The following ROCK1 variants were observed in gnomAD, a reference collection of about 807,000 sequenced individuals.
ROCK1 encodes rho-associated protein kinase 1.
A neutral mutation model predicts 196.8 loss-of-function variants in ROCK1; 36 were observed. The observed-to-expected ratio is 0.18, with a 90% CI of 0.14 to 0.24. The LOEUF (loss-of-function observed/expected upper bound fraction) is 0.24, where lower values mean the gene tolerates loss of function less well. ROCK1 is among the 10% of genes least tolerant of loss of function. The pLI is 1.00. For synonymous variants in ROCK1, 443 were observed against 515.9 expected, an observed-to-expected ratio of 0.86 and a Z score of 1.91; for missense variants, 920 against 1,562.0, an observed-to-expected ratio of 0.59 and a Z score of 6.93.
Position 20,958,988 on chromosome 18 carries a change from A to ATAATATATATAATATATATATTTTAT in ROCK1, c.3512+851_3512+852insATAAAATATATATATTATATATATTA, listed in dbSNP as rs1368130367. 2.9e-3 allele frequency among the ~76,000 whole-genome samples: 245 copies of ATAATATATATAATATATATATTTTAT among 84,822 alleles called. 7 individuals carry two copies. The highest frequency in any genetic ancestry group is 0.012 in the African/African-American group (226 of 19,634). 55.6% of individuals were successfully genotyped at this position (84,822 alleles called of 152,430 possible). A position where few individuals can be genotyped will look rare whatever the true frequency, so the allele number is the denominator to read the frequency against. On this transcript the variant is annotated intron_variant, in intron 29 of 32. Coordinates refer to ENST00000399799, the MANE Select transcript of ROCK1 (RefSeq NM_005406.3). Reference sequence around the variant, plus strand: ...AATATATATAATATATATATTTTATAAAAAATAATATATATATTTTATATA... The same window carrying ATAATATATATAATATATATATTTTAT: ...AATATATATAATATATATATTTTATATAATATATATAATATATATATTTTATAAAAATAATATATATATTTTATATA...
intron 22 of ROCK1, among the ~76,000 whole-genome samples, chr18:20,978,250 T>G (rs1466663751): frequency 6.6e-6 from 1 of 151,486 alleles, no homozygotes; most frequent in Non-Finnish European, 1.5e-5. Context: ...TATCTCCAGT[T>G]TGCAACACCT....
In ROCK1 at chr18:21,044,109, A is replaced by G. The variant is rs1382121618; in HGVS notation, c.668T>C (p.Met223Thr). The G allele has an allele frequency of 2.5e-6, 4 of 1,595,138 alleles. No individual in the cohort carries two copies. Among genetic ancestry groups the G allele is most frequent in the Non-Finnish European group, 3.4e-6 (4 of 1,165,292 alleles). ...AAAATCTAGTTAATTAACCTTATTC[A>G]TCTTCATACAAGTACCAAAATCTGC... Reference protein sequence around the residue: ...KLADFGTCMKMNKEGMVRCDT... With the variant: ...KLADFGTCMKTNKEGMVRCDT... Residue 223 changes from methionine to threonine, a missense_variant, in exon 6 of 33, where the codon ATG becomes ACG. By Grantham distance (81) the Met-to-Thr change is moderately conservative. Coordinates refer to ENST00000399799, the MANE Select transcript of ROCK1 (RefSeq NM_005406.3).
intron 23 of ROCK1, chr18:20,970,129 G>A (rs2035412536): frequency 4.8e-6 from 2 of 417,380 alleles, no homozygotes; most frequent in South Asian, 1.0e-4. Context: ...CATTGGTTCT[G>A]TGCCTATACA....
At chr18:21,062,071 T>C (rs1226361529) in intron 2 of ROCK1, among the ~76,000 whole-genome samples, 1 of 152,174 alleles carries the variant, frequency 6.6e-6, no homozygotes, top group Non-Finnish European at 1.5e-5. Context: ...CATACATATA[T>C]TTCCTAGCTA....
intron 27 of ROCK1, among the ~76,000 whole-genome samples, chr18:20,962,512 A>G (rs2035336699): frequency 6.6e-6 from 1 of 152,168 alleles, no homozygotes; most frequent in Non-Finnish European, 1.5e-5. Context: ...CAATGTCAAA[A>G]ATATTTATGC....
intron 21 of ROCK1, among the ~76,000 whole-genome samples, chr18:20,982,213 C>T (rs1397447600): frequency 6.6e-6 from 1 of 152,196 alleles, no homozygotes; most frequent in Non-Finnish European, 1.5e-5. Flanking sequence ...TGAATAATTA[C>T]GTTTAGCAAA....
At chr18:21,090,849 A>C (rs2143584256) in intron 1 of ROCK1, among the ~76,000 whole-genome samples, 1 of 130,528 alleles carries the variant, frequency 7.7e-6, no homozygotes, top group Middle Eastern at 3.7e-3. Context: ...TACATGTAAG[A>C]GCATCAGTAT....
chr18:21,051,131 G>T (rs566563055), intron 2 of ROCK1, among the ~76,000 whole-genome samples: 1 of 152,056 alleles, frequency 6.6e-6, no homozygotes, highest in Non-Finnish European at 1.5e-5. Flanking sequence ...GAATAGTAGC[G>T]GTTAGCTAGA....
At chr18:21,017,951 T>A (rs993350129) in intron 12 of ROCK1, among the ~76,000 whole-genome samples, 2 of 149,920 alleles carry the variant, frequency 1.3e-5, no homozygotes, top group African/African-American at 4.9e-5. Flanking sequence ...CCAGCCTGGG[T>A]GACAGAGTGA....
At chr18:21,110,229 ATAAGT>A (rs2036738606) in intron 1 of ROCK1, among the ~76,000 whole-genome samples, 1 of 152,234 alleles carries the variant, frequency 6.6e-6, no homozygotes, top group African/African-American at 2.4e-5. Context: ...ATACAATAAA[ATAAGT>A]TAACACTGTA....
chr18:21,028,221 G>C (rs1197477103), intron 10 of ROCK1, among the ~76,000 whole-genome samples: 2 of 150,954 alleles, frequency 1.3e-5, no homozygotes, highest in East Asian at 4.0e-4. Flanking sequence ...TTCAAGACCA[G>C]CCTGGCCAAC....
At chr18:21,006,276 A>T in intron 16 of ROCK1, 75 bp downstream of exon 16, 1 of 1,115,062 alleles carries the variant, frequency 9.0e-7, no homozygotes, top group Non-Finnish European at 1.3e-6. Flanking sequence ...ACTGAACTGT[A>T]TATATAAAAA....
chr18:21,076,506 A>T (rs2143560936), intron 1 of ROCK1, among the ~76,000 whole-genome samples: 1 of 152,320 alleles, frequency 6.6e-6, no homozygotes, highest in Middle Eastern at 3.4e-3. Context: ...TCTGTCTCAA[A>T]CAAAAAAGAA....
At chr18:20,979,768 TA>T in intron 22 of ROCK1, 141 bp downstream of exon 22, 1 of 977,690 alleles carries the variant, frequency 1.0e-6, no homozygotes, top group Non-Finnish European at 1.4e-6. Flanking sequence ...AATTTCAGCC[TA>T]ATCTGATTTG....
At chr18:21,106,601 G>A (rs1246253021) in intron 1 of ROCK1, among the ~76,000 whole-genome samples, 1 of 152,124 alleles carries the variant, frequency 6.6e-6, no homozygotes, top group African/African-American at 2.4e-5. Context: ...ATAATTAGAA[G>A]ATAAGGAAGT....
chr18:20,994,508 G>C (rs1254559553), intron 16 of ROCK1, among the ~76,000 whole-genome samples: 3 of 152,078 alleles, frequency 2.0e-5, no homozygotes, highest in Non-Finnish European at 4.4e-5. Context: ...CAAGTCTATA[G>C]TCCCAGCTAC....
intron 2 of ROCK1, among the ~76,000 whole-genome samples, chr18:21,054,333 A>G (rs1202299757): frequency 1.3e-5 from 2 of 152,000 alleles, no homozygotes; most frequent in Non-Finnish European, 2.9e-5. Context: ...TTTTTTTTCA[A>G]TCATGAAAAA....
chr18:21,007,872 T>C (rs2035781637), intron 14 of ROCK1, among the ~76,000 whole-genome samples, 187 bp downstream of exon 14: 1 of 152,148 alleles, frequency 6.6e-6, no homozygotes, highest in African/African-American at 2.4e-5. Context: ...TTTACTTTAA[T>C]ATGTAATTTA....
intron 2 of ROCK1, among the ~76,000 whole-genome samples, chr18:21,061,144 T>C (rs2036286634): frequency 1.3e-5 from 2 of 151,330 alleles, no homozygotes; most frequent in Non-Finnish European, 1.5e-5. Context: ...AATGGCGCAA[T>C]CTTGGCTCAC....
Sources: gnomAD v4.1 joint callset for allele counts (sites outside exome capture counted in the v4.1 genomes callset) on GRCh38, gnomAD v4.1.1 for gene constraint, MANE v1.5 for transcripts, NCBI Gene and HGNC (gene_info 2026-07-23, HGNC 2026-07-21) for gene names.